Variants in RASSF5 observed in about 807,000 individuals in gnomAD.
RASSF5 encodes ras association domain-containing protein 5.
In RASSF5, 25 loss-of-function variants were observed where a neutral mutation model predicts 40.5. The observed-to-expected ratio is 0.62, with a 90% CI of 0.45 to 0.86. The LOEUF (loss-of-function observed/expected upper bound fraction) is 0.86. Among genes scored for constraint, RASSF5 ranks in the 40% least tolerant of loss-of-function variants. The pLI is 0.00. For synonymous variants in RASSF5, 246 were observed against 252.4 expected, an observed-to-expected ratio of 0.97 and a Z score of 0.24; for missense variants, 521 against 572.8, an observed-to-expected ratio of 0.91 and a Z score of 0.92.
chr1:206,557,696 A>G, intron 2 of RASSF5: 1 of 1,614,146 alleles, frequency 6.2e-7, no homozygotes, highest in Non-Finnish European at 8.5e-7. Context: ...TTTCAAAGGT[A>G]AACATAATAA....
intron 2 of RASSF5, among the ~76,000 whole-genome samples, chr1:206,572,049 A>G (rs1223251027): frequency 4.6e-5 from 7 of 152,220 alleles, no homozygotes; most frequent in African/African-American, 1.7e-4. Context: ...TTTCAGAAGC[A>G]GAGGACAGAA....
chr1:206,545,225 T>C (rs1377436454), intron 2 of RASSF5, among the ~76,000 whole-genome samples: 20 of 152,238 alleles, frequency 1.3e-4, no homozygotes, highest in Non-Finnish European at 7.3e-5. Flanking sequence ...TCATTTATTA[T>C]TGAAAGAAGT....
intron 2 of RASSF5, among the ~76,000 whole-genome samples, chr1:206,578,267 T>C (rs1432404876): frequency 6.6e-6 from 1 of 151,262 alleles, no homozygotes; most frequent in Non-Finnish European, 1.5e-5. Context: ...TGTGTGTAAG[T>C]AGATGCTTAC....
chr1:206,508,453 G>A (rs1213929216), intron 1 of RASSF5, among the ~76,000 whole-genome samples: 1 of 152,034 alleles, frequency 6.6e-6, no homozygotes, highest in African/African-American at 2.4e-5. Context: ...TCTTGGGAGT[G>A]GGTTGTGAGA....
rs1228869560 is a variant in RASSF5 at position 206,513,473 on chromosome 1, C to T, written c.457+5414C>T. ...GTTCCTGGGGCTCAGTCAGCACCAG[C>T]TGGTATGATTTCCTTCTCACAAGCT... On this transcript the variant is annotated intron_variant, in intron 1 of 5. Coordinates refer to ENST00000579436, the MANE Select transcript of RASSF5 (RefSeq NM_182663.4). The surrounding 1 kb of genome is among the most constrained non-coding windows in gnomAD (Gnocchi z 5.0). Among the ~76,000 whole-genome samples the T allele has an allele frequency of 1.3e-5, 2 of 152,232 alleles. No homozygotes were observed. Among genetic ancestry groups the T allele is most frequent in the African/African-American group, 4.8e-5 (2 of 41,456 alleles).
Position 206,550,243 on chromosome 1 carries a change from G to T in RASSF5, c.579+11950G>T, listed in dbSNP as rs539043181. 3.9e-5 allele frequency among the ~76,000 whole-genome samples: 6 copies of T among 152,026 alleles called. No individual in the cohort carries two copies. The South Asian group carries it at 1.0e-3, about 26-fold the overall frequency. On this transcript the variant is annotated intron_variant, in intron 2 of 5. Coordinates refer to ENST00000579436, the MANE Select transcript of RASSF5 (RefSeq NM_182663.4). ...TTTCATTAGTTGTATCCATTTTTTT[G>T]GTTGTTTTAATCAGGAGGATATATC...
intron 2 of RASSF5, among the ~76,000 whole-genome samples, chr1:206,547,224 C>T (rs35785716): frequency 0.21 from 31,336 of 152,176 alleles, 3,614 homozygotes; most frequent in Middle Eastern, 0.35. Context: ...TTCGCATATA[C>T]TACAAGCCAG....
intron 1 of RASSF5, among the ~76,000 whole-genome samples, chr1:206,519,420 T>G (rs1369041116): frequency 6.6e-6 from 1 of 152,206 alleles, no homozygotes; most frequent in African/African-American, 2.4e-5. Context: ...TTTGTTTGCT[T>G]TTAATATCAT....
chr1:206,515,383 T>C (rs1001295884), intron 1 of RASSF5, among the ~76,000 whole-genome samples: 3 of 152,138 alleles, frequency 2.0e-5, no homozygotes, highest in Non-Finnish European at 4.4e-5. Flanking sequence ...TAAGTGTGTC[T>C]CTCCCCGCTC....
intron 2 of RASSF5, among the ~76,000 whole-genome samples, chr1:206,540,969 C>A (rs1667532146): frequency 6.6e-6 from 1 of 152,210 alleles, no homozygotes; most frequent in Non-Finnish European, 1.5e-5. Context: ...TCTCAGCTCA[C>A]TGCAACCTCC....
At chr1:206,547,095 AC>A (rs1553400295) in intron 2 of RASSF5, among the ~76,000 whole-genome samples, 1 of 152,192 alleles carries the variant, frequency 6.6e-6, no homozygotes, top group East Asian at 1.9e-4. Flanking sequence ...ACATAGTGAG[AC>A]CCTGTCTCTA....
chr1:206,537,977 G>A (rs1667459377), intron 1 of RASSF5, among the ~76,000 whole-genome samples, 195 bp from the exon 2 acceptor site: 1 of 152,204 alleles, frequency 6.6e-6, no homozygotes, highest in Non-Finnish European at 1.5e-5. Context: ...CAAACGCGTA[G>A]AGCACTTAAC....
rs532171112 is a variant in RASSF5, at chr1:206,527,218, A to T, written c.458-10954A>T. Reference sequence around the variant, plus strand: ...CATGTTAAGCAGTGTGTTTCAAGGGATCACACCATCTGGGTAAGGATTTCT... The same window carrying T: ...CATGTTAAGCAGTGTGTTTCAAGGGTTCACACCATCTGGGTAAGGATTTCT... On this transcript the variant is annotated intron_variant, in intron 1 of 5. Coordinates refer to ENST00000579436, the MANE Select transcript of RASSF5 (RefSeq NM_182663.4). Among the ~76,000 whole-genome samples the T allele has an allele frequency of 7.2e-5, 11 of 152,286 alleles. No individual in the cohort carries two copies. In the East Asian group the frequency reaches 2.1e-3, roughly 29 times the overall value.
chr1:206,507,839 C>T lies in RASSF5; in HGVS notation c.237C>T (p.Pro79=). ...NLEPPPRASR[P]ARPLRPGLQQ... Reference sequence around the variant, plus strand: ...AGCCCCCGCCCCGGGCCTCCCGACCCGCTCGCCCGCTCCGGCCTGGTCTGC... The same window carrying T: ...AGCCCCCGCCCCGGGCCTCCCGACCTGCTCGCCCGCTCCGGCCTGGTCTGC... The change falls in exon 1 of 6, where the codon CCC becomes CCT. Residue 79 remains proline (P), a synonymous_variant. Coordinates refer to ENST00000579436, the MANE Select transcript of RASSF5 (RefSeq NM_182663.4). The T allele has an allele frequency of 6.9e-7, 1 of 1,446,716 alleles. No individual in the cohort carries two copies. The highest frequency in any genetic ancestry group is 1.4e-5 in the South Asian group (1 of 72,954). The allele number at this position is 1,446,716 out of a possible 1,614,324, so 89.6% of individuals were successfully genotyped here.
chr1:206,533,352 C>A (rs1553398200), intron 1 of RASSF5, among the ~76,000 whole-genome samples: 2 of 152,200 alleles, frequency 1.3e-5, no homozygotes, highest in African/African-American at 2.4e-5. Context: ...GAGGTTTCCA[C>A]TAGAAACCGC....
At chr1:206,580,121 C>T (rs1434258205) in intron 2 of RASSF5, among the ~76,000 whole-genome samples, 2 of 152,146 alleles carry the variant, frequency 1.3e-5, no homozygotes, top group East Asian at 1.9e-4. Flanking sequence ...TGGCCACTTG[C>T]GTCACTTCCC....
chr1:206,584,718 C>T lies in RASSF5; in HGVS notation c.988+34C>T. 1 of 1,611,268 alleles carries T rather than the reference C, an allele frequency of 6.2e-7. No individual in the cohort carries two copies. Among genetic ancestry groups the T allele is most frequent in the African/African-American group, 1.3e-5 (1 of 74,926 alleles). Reference sequence around the variant, plus strand: ...AAGAGTGAACCCAACCAGACCGTTCCCTTCCTACCTGTGTCCAAGCCCACC... The same window carrying T: ...AAGAGTGAACCCAACCAGACCGTTCTCTTCCTACCTGTGTCCAAGCCCACC... On this transcript the variant is annotated intron_variant, in intron 4 of 5. Transcript: ENST00000579436. The surrounding 1 kb of genome is among the most constrained non-coding windows in gnomAD (Gnocchi z 4.9).
At chr1:206,516,179 C>G (rs906483790) in intron 1 of RASSF5, among the ~76,000 whole-genome samples, 5 of 152,322 alleles carry the variant, frequency 3.3e-5, no homozygotes, top group African/African-American at 7.2e-5. Context: ...ATGTCAGAGA[C>G]AGCAAGAGGT....
At chr1:206,577,767 G>T (rs1558520287) in intron 2 of RASSF5, among the ~76,000 whole-genome samples, 1 of 152,174 alleles carries the variant, frequency 6.6e-6, no homozygotes, top group African/African-American at 2.4e-5. Flanking sequence ...TTTGTCCACT[G>T]TAGGCAATAG....
Sources: allele counts gnomAD v4.1 joint callset (sites outside exome capture counted in the v4.1 genomes callset), GRCh38; gene constraint gnomAD v4.1.1; non-coding constraint Gnocchi (gnomAD v3.1); transcripts MANE v1.5; gene names NCBI Gene and HGNC (gene_info 2026-07-23, HGNC 2026-07-21).